The following IL1RAPL2 variants were observed in gnomAD, a reference collection of about 807,000 sequenced individuals.
IL1RAPL2 encodes interleukin 1 receptor accessory protein like 2, also known as X-linked interleukin-1 receptor accessory protein-like 2.
Under a neutral mutation model 44.1 loss-of-function variants are expected in IL1RAPL2, and 3 were observed. The ratio of observed to expected loss-of-function variants is 0.07; its 90% CI spans 0.03 to 0.18. The LOEUF (loss-of-function observed/expected upper bound fraction) is 0.18, where lower values mean the gene tolerates loss of function less well. Ranked by LOEUF, IL1RAPL2 falls within the 10% of genes least tolerant of loss-of-function variation. The pLI is 1.00. For synonymous variants in IL1RAPL2, 181 were observed against 178.8 expected (o/e 1.01, Z -0.10); for missense variants, 391 against 496.4 (o/e 0.79, Z 2.02).
chrX:105,004,374 A>G (rs894694896), intron 2 of IL1RAPL2, among the ~76,000 whole-genome samples: 4 of 110,737 alleles, frequency 3.6e-5, no homozygotes. Context: ...CTAATATGAA[A>G]GAAACTTCTT....
In IL1RAPL2 at chrX:105,716,289, T is replaced by TATC. The variant is rs752753237; in HGVS notation, c.773-1077_773-1075dup. Among the ~76,000 whole-genome samples, 5 of 112,517 alleles carry TATC rather than the reference T, an allele frequency of 4.4e-5. No individual in the cohort carries two copies. In the East Asian group the frequency reaches 8.4e-4, roughly 19 times the overall value. On this transcript the variant is annotated intron_variant, in intron 6 of 10. Transcript: ENST00000372582. ...TTGTCAAGAAAAGGGCAGTGATGGT[T>TATC]ATCTGTGGCCTTTACAAAAATATCT...
At chrX:104,909,176 C>G (rs1330012152) in intron 2 of IL1RAPL2, among the ~76,000 whole-genome samples, 1 of 112,044 alleles carries the variant, frequency 8.9e-6, no homozygotes, top group Non-Finnish European at 1.9e-5. Context: ...AGTTCTCGAG[C>G]CTTGGTTTTC....
At chrX:105,123,134 T>C (rs1284061155) in intron 2 of IL1RAPL2, among the ~76,000 whole-genome samples, 4 of 111,120 alleles carry the variant, frequency 3.6e-5, no homozygotes, top group Non-Finnish European at 7.6e-5. Context: ...TAGGATTAGA[T>C]TCTGCCAAGA....
chrX:105,079,457 A>G (rs1259770284), intron 2 of IL1RAPL2, among the ~76,000 whole-genome samples: 1 of 109,282 alleles, frequency 9.2e-6, no homozygotes, highest in Non-Finnish European at 1.9e-5. Context: ...CGTTTTCTTT[A>G]TCCAGTTCTT....
In IL1RAPL2 at chrX:105,000,419, G is replaced by A. The variant is rs1338577590; in HGVS notation, c.83-195056G>A. Among the ~76,000 whole-genome samples, 3 of 111,154 alleles carry A rather than the reference G, an allele frequency of 2.7e-5. No homozygotes were observed. The Admixed American group carries it at 2.9e-4, about 11-fold the overall frequency. On this transcript the variant is annotated intron_variant, in intron 2 of 10. Transcript: ENST00000372582. The stretch of plus-strand genomic sequence containing the variant: ...CTGGAGATCTTTCATGGGTGGCACT[G>A]GGAGTTTGGGGCCTGTTTGCCCTCT...
chrX:105,398,810 T>C (rs1245283329), intron 5 of IL1RAPL2, among the ~76,000 whole-genome samples: 1 of 112,015 alleles, frequency 8.9e-6, no homozygotes, highest in African/African-American at 3.2e-5. Context: ...CCAGCTGTTA[T>C]AAGGAGCATG....
intron 6 of IL1RAPL2, among the ~76,000 whole-genome samples, chrX:105,567,554 T>G (rs769201025): frequency 8.9e-6 from 1 of 111,905 alleles, no homozygotes; most frequent in East Asian, 2.8e-4. Context: ...GAAATAGCAT[T>G]TTAACAAAGG....
chrX:105,219,985 T>G, intron 3 of IL1RAPL2: 1 of 1,204,185 alleles, frequency 8.3e-7, no homozygotes, highest in Non-Finnish European at 1.1e-6. Context: ...TTTCTGCACC[T>G]CCACGAGGCT....
chrX:105,758,278 A>T (rs1261221521), intron 10 of IL1RAPL2, among the ~76,000 whole-genome samples: 1 of 111,956 alleles, frequency 8.9e-6, no homozygotes, highest in Non-Finnish European at 1.9e-5. Flanking sequence ...CTATGACATA[A>T]ACCCATTCAT....
chrX:104,820,743 G>T (rs757008524), intron 2 of IL1RAPL2, among the ~76,000 whole-genome samples: 4 of 112,056 alleles, frequency 3.6e-5, no homozygotes, highest in Non-Finnish European at 5.6e-5. Context: ...TAGCGTCTCT[G>T]AATTTCAGTT....
At chrX:105,435,242 G>A (rs777550256) in intron 5 of IL1RAPL2, among the ~76,000 whole-genome samples, 92 of 111,596 alleles carry the variant, frequency 8.2e-4, no homozygotes, top group Non-Finnish European at 1.6e-3. Context: ...TTCTAATTCT[G>A]TGCAGAATGT....
chrX:104,867,057 A>G (rs1276707108), intron 2 of IL1RAPL2, among the ~76,000 whole-genome samples: 1 of 108,873 alleles, frequency 9.2e-6, no homozygotes, highest in African/African-American at 3.3e-5. Flanking sequence ...AACATGGTGA[A>G]ACCCCGTCTT....
In IL1RAPL2 at chrX:105,407,336, A is replaced by G. The variant is rs751578868; in HGVS notation, c.698-76977A>G. Among the ~76,000 whole-genome samples the G allele has an allele frequency of 1.2e-4, 13 of 111,067 alleles. No homozygotes were observed. The South Asian group carries it at 4.6e-3, about 40-fold the overall frequency. On this transcript the variant is annotated intron_variant, in intron 5 of 10. Coordinates refer to ENST00000372582, the MANE Select transcript of IL1RAPL2 (RefSeq NM_017416.2). ...GGTTTACCTGGTTTTATGACCAGGA[A>G]TAGTATCTATTATATTTGCTTTTAA...
chrX:104,717,776 C>T (rs1014520117), intron 2 of IL1RAPL2, among the ~76,000 whole-genome samples: 3 of 107,804 alleles, frequency 2.8e-5, no homozygotes, highest in Non-Finnish European at 5.8e-5. Flanking sequence ...CCACAACAGT[C>T]CCCGGTGTGT....
At chrX:105,125,003 A>G (rs1410764563) in intron 2 of IL1RAPL2, among the ~76,000 whole-genome samples, 1 of 109,371 alleles carries the variant, frequency 9.1e-6, no homozygotes, top group African/African-American at 3.3e-5. Context: ...TTTTAAATGT[A>G]TGTTACACCT....
chrX:105,049,161 G>T (rs1452005661), intron 2 of IL1RAPL2, among the ~76,000 whole-genome samples: 4 of 99,304 alleles, frequency 4.0e-5, no homozygotes, highest in East Asian at 3.2e-4. Context: ...ACTACTTATG[G>T]TTTTTTTTTT....
rs1311181118 is a variant in IL1RAPL2 at position 105,316,962 on chromosome X, G to A, written c.697+49421G>A. 5.4e-5 allele frequency among the ~76,000 whole-genome samples: 6 copies of A among 110,494 alleles called. No homozygotes were observed. The Admixed American group carries it at 5.8e-4, about 11-fold the overall frequency. ...TATCTGTAAAGCCAAACTTGAGATA[G>A]CTAAATTAGGAATCACTAAAGGCCC... On this transcript the variant is annotated intron_variant, in intron 5 of 10. Coordinates refer to ENST00000372582, the MANE Select transcript of IL1RAPL2 (RefSeq NM_017416.2).
chrX:105,548,568 T>C (rs748058078), intron 6 of IL1RAPL2, among the ~76,000 whole-genome samples: 42 of 111,957 alleles, frequency 3.8e-4, no homozygotes, highest in Non-Finnish European at 7.1e-4. Flanking sequence ...TGTAAGGCCT[T>C]CTGGAGTTTT....
chrX:104,661,481 C>T (rs1930399410), intron 2 of IL1RAPL2, among the ~76,000 whole-genome samples: 1 of 111,125 alleles, frequency 9.0e-6, no homozygotes, highest in African/African-American at 3.3e-5. Flanking sequence ...AAAGATAGGG[C>T]ATGGGATGAA....
Sources: gnomAD v4.1 joint callset for allele counts (sites outside exome capture counted in the v4.1 genomes callset) on GRCh38, gnomAD v4.1.1 for gene constraint, MANE v1.5 for transcripts, NCBI Gene and HGNC (gene_info 2026-07-23, HGNC 2026-07-21) for gene names.